Variants in HOPX observed in about 807,000 individuals in gnomAD.
HOPX encodes homeodomain-only protein.
A neutral mutation model predicts 11.8 loss-of-function variants in HOPX; 5 were observed. The ratio of observed to expected loss-of-function variants is 0.43; its 90% CI spans 0.22 to 0.89. The LOEUF (loss-of-function observed/expected upper bound fraction) is 0.89, where lower values mean the gene tolerates loss of function less well. Ranked by LOEUF, HOPX falls within the 40% of genes least tolerant of loss-of-function variation. The pLI is 0.28. For missense variants in HOPX, 119 were observed against 120.0 expected (o/e 0.99, Z 0.04); for synonymous variants, 49 against 49.7 (o/e 0.99, Z 0.06).
At chr4:56,667,120 G>C (rs1383688537) in intron 1 of HOPX, among the ~76,000 whole-genome samples, 1 of 152,144 alleles carries the variant, frequency 6.6e-6, no homozygotes, top group Non-Finnish European at 1.5e-5. Flanking sequence ...ATCCAGAATT[G>C]TCATTGAAAC....
chr4:56,652,563 T>C (rs1717309644), intron 3 of HOPX, among the ~76,000 whole-genome samples: 1 of 151,820 alleles, frequency 6.6e-6, no homozygotes, highest in Non-Finnish European at 1.5e-5. Flanking sequence ...ATCCCAGCAC[T>C]TTGGGAGGCC....
intron 1 of HOPX, chr4:56,678,687 C>A (rs983382487): frequency 6.6e-6 from 1 of 152,028 alleles, no homozygotes; most frequent in Non-Finnish European, 1.5e-5. Flanking sequence ...CTTAGGTGAT[C>A]CACCCGCCTC....
At chr4:56,655,085 A>C (rs1446165683) in intron 3 of HOPX, among the ~76,000 whole-genome samples, 1 of 152,220 alleles carries the variant, frequency 6.6e-6, no homozygotes, top group African/African-American at 2.4e-5. Flanking sequence ...ATAATACAGG[A>C]GCATTTAAAA....
intron 3 of HOPX, among the ~76,000 whole-genome samples, chr4:56,652,270 C>T (rs1176216423): frequency 6.6e-6 from 1 of 152,182 alleles, no homozygotes; most frequent in Non-Finnish European, 1.5e-5. Flanking sequence ...CTTAGTCCCG[C>T]TTGTCCCTGC....
intron 1 of HOPX, chr4:56,672,815 T>C (rs1279160002): frequency 6.6e-6 from 1 of 152,070 alleles, no homozygotes; most frequent in Non-Finnish European, 1.5e-5. Flanking sequence ...AAAAAAATTT[T>C]TTTAATAAAA....
intron 1 of HOPX, among the ~76,000 whole-genome samples, chr4:56,666,037 G>T (rs992803356): frequency 6.6e-6 from 1 of 152,120 alleles, no homozygotes; most frequent in African/African-American, 2.4e-5. Flanking sequence ...GCTCCCTGTG[G>T]GTTGGGGCCA....
intron 1 of HOPX, among the ~76,000 whole-genome samples, chr4:56,675,655 T>C (rs1157308527): frequency 6.6e-6 from 1 of 151,776 alleles, no homozygotes; most frequent in East Asian, 1.9e-4. Context: ...TGTATTGCAC[T>C]GTGTGTTCAA....
intron 3 of HOPX, among the ~76,000 whole-genome samples, chr4:56,654,385 G>A (rs1020651565): frequency 1.4e-4 from 21 of 152,166 alleles, no homozygotes; most frequent in Admixed American, 1.4e-3. Flanking sequence ...ACCTCTTGTT[G>A]GTGCTGTGCC....
At chr4:56,667,072 C>A (rs1207257351) in intron 1 of HOPX, among the ~76,000 whole-genome samples, 3 of 152,144 alleles carry the variant, frequency 2.0e-5, no homozygotes, top group African/African-American at 7.2e-5. Flanking sequence ...CTGTTGAGGA[C>A]TGTACAGATT....
intron 1 of HOPX, chr4:56,676,654 G>T (rs1331455118): frequency 6.6e-6 from 1 of 151,324 alleles, no homozygotes; most frequent in African/African-American, 2.5e-5. Context: ...TGATGCCAAC[G>T]ACCTAATCCG....
intron 1 of HOPX, among the ~76,000 whole-genome samples, chr4:56,672,293 C>T (rs1042882015): frequency 6.6e-6 from 1 of 151,766 alleles, no homozygotes; most frequent in African/African-American, 2.4e-5. Context: ...AATCCCAGCA[C>T]TTTGGGAGGC....
intron 1 of HOPX, among the ~76,000 whole-genome samples, chr4:56,674,001 A>G (rs1407375243): frequency 6.6e-6 from 1 of 151,610 alleles, no homozygotes; most frequent in East Asian, 1.9e-4. Flanking sequence ...CACTGCACCC[A>G]GCCCTAATTT....
chr4:56,681,611 G>C, upstream of HOPX: 1 of 999,972 alleles, frequency 1.0e-6, no homozygotes, highest in Non-Finnish European at 1.2e-6. Flanking sequence ...AGAAGACGGG[G>C]AAGAGAAAAG....
chr4:56,650,629 A>G, intron 3 of HOPX: 1 of 1,541,256 alleles, frequency 6.5e-7, no homozygotes, highest in South Asian at 1.2e-5. Context: ...ACCCACCTGT[A>G]CAGCAGAGTT....
chr4:56,676,401 G>T (rs1443521668), intron 1 of HOPX: 2 of 151,640 alleles, frequency 1.3e-5, no homozygotes, highest in Non-Finnish European at 2.9e-5. Context: ...CTTGAACTAA[G>T]TCATTGTGTA....
At chr4:56,676,109 C>A (rs1007878474) in intron 1 of HOPX, among the ~76,000 whole-genome samples, 3 of 151,472 alleles carry the variant, frequency 2.0e-5, no homozygotes, top group African/African-American at 7.4e-5. Flanking sequence ...CCAGCCTTGG[C>A]AACATGGTGA....
At chr4:56,668,818 T>G (rs535409293) in intron 1 of HOPX, among the ~76,000 whole-genome samples, 98 of 152,334 alleles carry the variant, frequency 6.4e-4, no homozygotes, top group African/African-American at 2.2e-3. Context: ...GGATGGGCAC[T>G]GGGTGTGGAG....
rs187437534 is a variant in HOPX at position 56,672,412 on chromosome 4, G to A, written c.-84+8843C>T. Among the ~76,000 whole-genome samples, 63 of 151,902 alleles carry A rather than the reference G, an allele frequency of 4.1e-4. 1 individual carries two copies. In the East Asian group the frequency reaches 0.012, roughly 29 times the overall value. On this transcript the variant is annotated intron_variant, in intron 1 of 3. Transcript: ENST00000420433. ...AAATTAGCCAGGCATGGTGGCACACGCCTGTAATCCCAGCTGCTCTGGATG... is the reference window on the plus strand; with the variant it reads ...AAATTAGCCAGGCATGGTGGCACACACCTGTAATCCCAGCTGCTCTGGATG...
Position 56,655,880 on chromosome 4 carries a change from C to T in HOPX, c.175G>A (p.Gly59Ser). ...TTLCLIAAEAGLSEEETQKWF... is the reference protein window; with the variant it reads ...TTLCLIAAEASLSEEETQKWF... ...ACCTGGGTCTCCTCCTCGGAAAGGC[C>T]TGCCTCGGCCGCGATGAGGCACAGC... Residue 59 changes from glycine to serine, a missense_variant, in exon 3 of 4, where the codon GGC becomes AGC. Transcript: ENST00000420433. 1.2e-6 allele frequency: 2 copies of T among 1,611,820 alleles called. No individual in the cohort carries two copies. Among genetic ancestry groups the T allele is most frequent in the South Asian group, 1.1e-5 (1 of 90,474 alleles).
Sources: gnomAD v4.1 joint callset for allele counts (sites outside exome capture counted in the v4.1 genomes callset) on GRCh38, gnomAD v4.1.1 for gene constraint, MANE v1.5 for transcripts, NCBI Gene and HGNC (gene_info 2026-07-23, HGNC 2026-07-21) for gene names.